Variants in FARP1 observed in about 807,000 individuals in gnomAD.
FARP1 encodes FERM, ARH/RhoGEF and pleckstrin domain protein 1.
A neutral mutation model predicts 128.8 loss-of-function variants in FARP1; 52 were observed. That is an observed-to-expected ratio of 0.40 (90% CI 0.32 to 0.51). The LOEUF (loss-of-function observed/expected upper bound fraction) is 0.51. Among genes scored for constraint, FARP1 ranks in the 20% least tolerant of loss-of-function variants. FARP1 has a pLI of 0.45. For missense variants in FARP1, 1,333 were observed against 1,367.9 expected (o/e 0.97, Z 0.40); for synonymous variants, 580 against 551.8 (o/e 1.05, Z -0.72).
rs1176272578 is a variant in FARP1, at chr13:98,453,130, G to A, written c.*4813G>A. 2.5e-6 allele frequency: 4 copies of A among 1,608,922 alleles called. No homozygotes were observed. The highest frequency in any genetic ancestry group is 1.7e-4 in the Middle Eastern group (1 of 5,930). ...ACTTTTAAAAAAGGAGGAGGATGAA[G>A]AAGGAAAAAAGGAAAAACAAAACCC... On this transcript the variant is annotated 3_prime_UTR_variant, in exon 27 of 27. Coordinates refer to ENST00000319562, the MANE Select transcript of FARP1 (RefSeq NM_005766.4).
intron 5 of FARP1, among the ~76,000 whole-genome samples, chr13:98,376,615 CT>C (rs1295912668): frequency 6.6e-6 from 1 of 152,120 alleles, no homozygotes; most frequent in East Asian, 1.9e-4. Flanking sequence ...TACTGTTTTC[CT>C]TTCTTTTCGG....
chr13:98,412,266 T>G (rs1347218580), intron 16 of FARP1, among the ~76,000 whole-genome samples: 1 of 152,224 alleles, frequency 6.6e-6, no homozygotes, highest in Non-Finnish European at 1.5e-5. Flanking sequence ...TTCCCTCTCT[T>G]ATGATGATTA....
At chr13:98,381,393 A>T in intron 6 of FARP1, among the ~76,000 whole-genome samples, 1 of 152,178 alleles carries the variant, frequency 6.6e-6, no homozygotes, top group East Asian at 1.9e-4. Flanking sequence ...GTCTCTATAC[A>T]CACAATCTGC....
intron 11 of FARP1, among the ~76,000 whole-genome samples, chr13:98,391,900 C>T (rs1041759030): frequency 3.3e-5 from 5 of 152,078 alleles, no homozygotes; most frequent in African/African-American, 1.2e-4. Context: ...CTGCATGTAG[C>T]GTTTTTAAAA....
chr13:98,215,057 G>A (rs1477282433), intron 2 of FARP1, among the ~76,000 whole-genome samples: 1 of 152,162 alleles, frequency 6.6e-6, no homozygotes, highest in African/African-American at 2.4e-5. Flanking sequence ...CTGCTCTTGT[G>A]TGCACTCACT....
intron 2 of FARP1, chr13:98,244,901 G>C (rs1294577941): frequency 3.2e-5 from 45 of 1,402,968 alleles, no homozygotes; most frequent in Non-Finnish European, 4.2e-5. Flanking sequence ...CTCCTAAACG[G>C]GTCTCCAGGA....
At chr13:98,423,027 G>A (rs1245566915) in intron 16 of FARP1, among the ~76,000 whole-genome samples, 3 of 152,212 alleles carry the variant, frequency 2.0e-5, no homozygotes, top group Non-Finnish European at 4.4e-5. Flanking sequence ...CAAAGCTGAA[G>A]AACTTGGGGT....
At chr13:98,217,919 G>A (rs1456728560) in intron 2 of FARP1, among the ~76,000 whole-genome samples, 2 of 152,178 alleles carry the variant, frequency 1.3e-5, no homozygotes, top group Admixed American at 1.3e-4. Context: ...AGCATAACAA[G>A]GGAAAGAGCA....
At chr13:98,244,521 A>G in intron 2 of FARP1, 1 of 1,614,158 alleles carries the variant, frequency 6.2e-7, no homozygotes, top group Non-Finnish European at 8.5e-7. Context: ...CCTCAAAGCC[A>G]CCGGCTCCTC....
At chr13:98,223,834 A>C (rs1881578294) in intron 2 of FARP1, among the ~76,000 whole-genome samples, 1 of 152,208 alleles carries the variant, frequency 6.6e-6, no homozygotes, top group African/African-American at 2.4e-5. Flanking sequence ...TAAGCTTGCC[A>C]CACCTGGGTG....
intron 1 of FARP1, among the ~76,000 whole-genome samples, chr13:98,153,267 T>C (rs1181281861): frequency 2.6e-5 from 2 of 78,398 alleles, no homozygotes; most frequent in African/African-American, 3.3e-5. Flanking sequence ...GATGTAATAA[T>C]AACCTTTATA....
At chr13:98,396,461 ATGAGTGAGGAACAGGAGGAGG>A (rs1890553186) in intron 13 of FARP1, 1 of 8,468 alleles carries the variant, frequency 1.2e-4, no homozygotes, top group Non-Finnish European at 2.2e-4. Context: ...CAGGAGGAGG[ATGAGTGAGGAACAGGAGGAGG>A]ATGAGTGAGG....
rs79329520 is a variant in FARP1 at position 98,268,038 on chromosome 13, G to A, written c.171+54625G>A. ...GGGCAGCATTACATACAGGCACATT[G>A]TTCGACCTCCAGAACTTTTTCACGC... On this transcript the variant is annotated intron_variant, in intron 2 of 26. Coordinates refer to ENST00000319562, the MANE Select transcript of FARP1 (RefSeq NM_005766.4). Among the ~76,000 whole-genome samples, 3 of 152,194 alleles carry A rather than the reference G, an allele frequency of 2.0e-5. No individual in the cohort carries two copies. In the South Asian group the frequency reaches 6.2e-4, roughly 32 times the overall value.
chr13:98,238,041 A>G (rs776952636), intron 2 of FARP1, among the ~76,000 whole-genome samples: 11 of 152,212 alleles, frequency 7.2e-5, no homozygotes, highest in Non-Finnish European at 1.0e-4. Flanking sequence ...AGGAAGGTGA[A>G]GGATCTAAAG....
At chr13:98,396,303 C>T (rs1339834774) in intron 13 of FARP1, 2 of 399,150 alleles carry the variant, frequency 5.0e-6, no homozygotes, top group East Asian at 3.6e-5. Context: ...AGGGCTCCAC[C>T]AGCAGTGGGA....
At position 98,449,588 on chromosome 13, in the gene FARP1, CCT is replaced by C. The variant is rs1167361895; in HGVS notation, c.*1276_*1277del. The C allele has an allele frequency of 1.3e-5, 2 of 152,728 alleles. No individual in the cohort carries two copies. The highest frequency in any genetic ancestry group is 6.5e-5 in the Admixed American group (1 of 15,292). 9.5% of individuals were successfully genotyped at this position (152,728 alleles called of 1,614,324 possible). ...GCCCACCTGAGAACCAGGAACGCAC[CCT>C]CTCTGTGGAGCTCTGACTGGTGTAG... On this transcript the variant is annotated 3_prime_UTR_variant, in exon 27 of 27. Coordinates refer to ENST00000319562, the MANE Select transcript of FARP1 (RefSeq NM_005766.4).
chr13:98,382,971 A>C (rs1889947981), intron 6 of FARP1, among the ~76,000 whole-genome samples: 1 of 152,220 alleles, frequency 6.6e-6, no homozygotes. Flanking sequence ...CATGAGCTCA[A>C]TGTGAAGAAA....
intron 2 of FARP1, among the ~76,000 whole-genome samples, chr13:98,246,601 T>C (rs1416625671): frequency 6.6e-6 from 1 of 152,116 alleles, no homozygotes; most frequent in Non-Finnish European, 1.5e-5. Context: ...TGTGTTTACA[T>C]ACTATACTCC....
At chr13:98,281,009 T>C (rs1884910671) in intron 2 of FARP1, among the ~76,000 whole-genome samples, 1 of 152,232 alleles carries the variant, frequency 6.6e-6, no homozygotes, top group Non-Finnish European at 1.5e-5. Context: ...TGGACAATTA[T>C]GTATTATAAA....
Sources: gnomAD v4.1 joint callset for allele counts (sites outside exome capture counted in the v4.1 genomes callset) on GRCh38, gnomAD v4.1.1 for gene constraint, MANE v1.5 for transcripts, NCBI Gene and HGNC (gene_info 2026-07-23, HGNC 2026-07-21) for gene names.